CDH1: variants seen among roughly 807,000 people sequenced by gnomAD.
The protein encoded by CDH1 is cadherin 1.
A neutral mutation model predicts 84.5 loss-of-function variants in CDH1; 35 were observed. The observed-to-expected ratio is 0.41, with a 90% CI of 0.32 to 0.55. The LOEUF is 0.55. Ranked by LOEUF, CDH1 falls within the 20% of genes least tolerant of loss-of-function variation. CDH1 has a pLI of 0.19. For missense variants in CDH1, 994 were observed against 1,126.6 expected, an observed-to-expected ratio of 0.88 and a Z score of 1.68; for synonymous variants, 417 against 439.0, an observed-to-expected ratio of 0.95 and a Z score of 0.63.
intron 2 of CDH1, among the ~76,000 whole-genome samples, chr16:68,793,720 G>A (rs145276307): frequency 2.3e-3 from 349 of 152,254 alleles, no homozygotes; most frequent in African/African-American, 8.0e-3. Context: ...GTGAAACCTC[G>A]TCTCTAGTGA....
At chr16:68,827,197 G>GGAT in intron 13 of CDH1, among the ~76,000 whole-genome samples, 1 of 152,218 alleles carries the variant, frequency 6.6e-6, no homozygotes, top group Non-Finnish European at 1.5e-5. Context: ...CTTGAACCCA[G>GGAT]GATGTGGTGG....
intron 13 of CDH1, among the ~76,000 whole-genome samples, chr16:68,824,169 GT>G (rs1961258098): frequency 6.6e-6 from 1 of 151,776 alleles, no homozygotes; most frequent in Admixed American, 6.6e-5. Flanking sequence ...AGCTAATTTT[GT>G]ATTTTCAGTA....
At position 68,808,697 on chromosome 16, in the gene CDH1, A is replaced by C. The variant is rs1376749029; in HGVS notation, c.536A>C (p.Lys179Thr). Residue 179 changes from lysine (K) to threonine (T), a missense_variant, in exon 5 of 16, where the codon AAA becomes ACA. Physicochemically the swap from Lys to Thr is moderately conservative, Grantham distance 78. Coordinates refer to ENST00000261769, the MANE Select transcript of CDH1 (RefSeq NM_004360.5). ...GPFPKNLVQI[K>T]SNKDKEGKVF... ...TTTCTTTCATTTTGTCTTCAGATCA[A>C]ATCCAACAAAGACAAAGAAGGCAAG... The C allele has an allele frequency of 6.2e-7, 1 of 1,614,038 alleles. No homozygotes were observed. Among genetic ancestry groups the C allele is most frequent in the Non-Finnish European group, 8.5e-7 (1 of 1,180,024 alleles).
intron 3 of CDH1, among the ~76,000 whole-genome samples, chr16:68,807,606 C>G (rs1960699409): frequency 6.6e-6 from 1 of 152,022 alleles, no homozygotes; most frequent in East Asian, 1.9e-4. Flanking sequence ...AGAGGCTTGC[C>G]TGAGCTCAGG....
Position 68,835,412 on chromosome 16 carries a change from T to G in CDH1, c.*1913T>G. 4.6e-6 allele frequency: 1 copy of G among 219,616 alleles called. No individual in the cohort carries two copies. Among genetic ancestry groups the G allele is most frequent in the Non-Finnish European group, 9.2e-6 (1 of 109,152 alleles). 13.6% of individuals were successfully genotyped at this position (219,616 alleles called of 1,614,324 possible). ...TAGAGAATGTCACTGTAGTTTTGAG[T>G]GTATACATGTGTGGGTGCTGATAAT... On this transcript the variant is annotated 3_prime_UTR_variant, in exon 16 of 16. Coordinates refer to ENST00000261769, the MANE Select transcript of CDH1 (RefSeq NM_004360.5).
intron 2 of CDH1, among the ~76,000 whole-genome samples, chr16:68,797,822 T>C (rs1960401861): frequency 6.6e-6 from 1 of 152,186 alleles, no homozygotes; most frequent in African/African-American, 2.4e-5. Flanking sequence ...CTCACACCTA[T>C]AATCCCAGCA....
At chr16:68,818,235 G>GAC in intron 10 of CDH1, among the ~76,000 whole-genome samples, 1 of 109,592 alleles carries the variant, frequency 9.1e-6, no homozygotes, top group African/African-American at 5.9e-5. Flanking sequence ...ACGAGACTCT[G>GAC]TCCCAAAAAA....
In CDH1 at chr16:68,803,426, C is replaced by A. The variant is rs199864483; in HGVS notation, c.387+1533C>A. On this transcript the variant is annotated intron_variant, in intron 3 of 15. Coordinates refer to ENST00000261769, the MANE Select transcript of CDH1 (RefSeq NM_004360.5). ...AGTTTTATTTTTTTAGAGACAGATT[C>A]TTGCTCTGTCTCCCAGGCTGGAGGG... is the stretch of plus-strand genomic sequence containing the variant. 3.8e-3 allele frequency among the ~76,000 whole-genome samples: 572 copies of A among 152,232 alleles called. 1 individual carries two copies. Among genetic ancestry groups the A allele is most frequent in the Non-Finnish European group, 6.3e-3 (428 of 68,002 alleles).
In CDH1 at chr16:68,744,581, CCT is replaced by C. The variant is rs575782282; in HGVS notation, c.163+6173_163+6174del. 1.5e-3 allele frequency among the ~76,000 whole-genome samples: 229 copies of C among 152,226 alleles called. 1 individual carries two copies. Among genetic ancestry groups the C allele is most frequent in the Admixed American group, 3.5e-3 (53 of 15,262 alleles). On this transcript the variant is annotated intron_variant, in intron 2 of 15. Coordinates refer to ENST00000261769, the MANE Select transcript of CDH1 (RefSeq NM_004360.5). The stretch of plus-strand genomic sequence containing the variant: ...GCACTTTTCATCTTCCTCCTTCCTT[CCT>C]CTTACCTGCCTCCAATCCTCCACTT...
chr16:68,738,160 C>A, intron 1 of CDH1, 137 bp from the exon 2 acceptor site: 1 of 622,716 alleles, frequency 1.6e-6, no homozygotes, highest in Admixed American at 3.2e-5. Flanking sequence ...TCGCTGCCCG[C>A]CCGTCCCGGG....
intron 15 of CDH1, among the ~76,000 whole-genome samples, chr16:68,832,274 C>A (rs1444144134): frequency 2.0e-5 from 3 of 151,912 alleles, no homozygotes; most frequent in Non-Finnish European, 2.9e-5. Context: ...CACATGTACT[C>A]CCAAACCTAA....
chr16:68,828,569 A>G (rs1304139277), intron 14 of CDH1, among the ~76,000 whole-genome samples: 1 of 152,214 alleles, frequency 6.6e-6, no homozygotes, highest in African/African-American at 2.4e-5. Context: ...GGCTAAGGTC[A>G]CACAGCTAGG....
chr16:68,773,147 G>A (rs1334024967), intron 2 of CDH1, among the ~76,000 whole-genome samples: 1 of 152,158 alleles, frequency 6.6e-6, no homozygotes, highest in East Asian at 1.9e-4. Flanking sequence ...TTTGTAACAT[G>A]TGAACTGAGG....
intron 2 of CDH1, among the ~76,000 whole-genome samples, chr16:68,796,088 G>A (rs1168093397): frequency 5.3e-5 from 8 of 151,910 alleles, no homozygotes; most frequent in Non-Finnish European, 8.8e-5. Context: ...GCTTGAACCC[G>A]GGAGGTGGAG....
At chr16:68,748,181 C>T (rs1369899830) in intron 2 of CDH1, among the ~76,000 whole-genome samples, 1 of 145,110 alleles carries the variant, frequency 6.9e-6, no homozygotes, top group Non-Finnish European at 1.5e-5. Flanking sequence ...GGCATGATCT[C>T]GGCTCACCGC....
chr16:68,761,761 C>G (rs1471608779), intron 2 of CDH1, among the ~76,000 whole-genome samples: 1 of 151,968 alleles, frequency 6.6e-6, no homozygotes, highest in Admixed American at 6.6e-5. Flanking sequence ...GAAGGGTGTT[C>G]TAGACGGAGG....
At chr16:68,790,508 G>A (rs1960178750) in intron 2 of CDH1, among the ~76,000 whole-genome samples, 1 of 152,158 alleles carries the variant, frequency 6.6e-6, no homozygotes, top group Non-Finnish European at 1.5e-5. Context: ...TGCAGCCACA[G>A]CTGGGACAAG....
At chr16:68,813,926 C>T (rs1471629345) in intron 9 of CDH1, among the ~76,000 whole-genome samples, 3 of 144,884 alleles carry the variant, frequency 2.1e-5, no homozygotes, top group Non-Finnish European at 4.5e-5. Context: ...GAGCAAGACT[C>T]AGTCTCCAGG....
intron 2 of CDH1, among the ~76,000 whole-genome samples, chr16:68,759,553 G>C (rs1251701131): frequency 6.7e-6 from 1 of 148,882 alleles, no homozygotes; most frequent in African/African-American, 2.5e-5. Context: ...GCAATGGTGC[G>C]ATCTTGGCTC....
Sources: allele counts gnomAD v4.1 joint callset (sites outside exome capture counted in the v4.1 genomes callset), GRCh38; gene constraint gnomAD v4.1.1; transcripts MANE v1.5; gene names NCBI Gene and HGNC (gene_info 2026-07-23, HGNC 2026-07-21).